SPOCK1: variants seen among roughly 807,000 people sequenced by gnomAD.
The protein encoded by SPOCK1 is testican-1.
A neutral mutation model predicts 55.3 loss-of-function variants in SPOCK1; 23 were observed. The ratio of observed to expected loss-of-function variants is 0.42; its 90% CI spans 0.30 to 0.59. The LOEUF (loss-of-function observed/expected upper bound fraction) is 0.59. Ranked by LOEUF, SPOCK1 falls within the 20% of genes least tolerant of loss-of-function variation. The pLI, the probability that SPOCK1 is intolerant of heterozygous loss-of-function variation, is 0.22. For missense variants in SPOCK1, 499 were observed against 552.5 expected (o/e 0.90, Z 0.97); for synonymous variants, 226 against 221.0 (o/e 1.02, Z -0.20).
intron 4 of SPOCK1, among the ~76,000 whole-genome samples, chr5:137,126,418 GCAAAGGC>G (rs2127041177): frequency 6.6e-6 from 1 of 152,278 alleles, no homozygotes; most frequent in African/African-American, 2.4e-5. Flanking sequence ...TATTAAGATA[GCAAAGGC>G]CATTCTGATG....
intron 6 of SPOCK1, among the ~76,000 whole-genome samples, chr5:137,045,019 A>C (rs1752084153): frequency 1.5e-5 from 2 of 132,624 alleles, no homozygotes; most frequent in African/African-American, 5.8e-5. Flanking sequence ...TATATGTGCC[A>C]CATTTTCTTA....
At chr5:137,050,338 T>C (rs1752179185) in intron 6 of SPOCK1, among the ~76,000 whole-genome samples, 1 of 137,506 alleles carries the variant, frequency 7.3e-6, no homozygotes, top group African/African-American at 2.7e-5. Context: ...GGATATAGTC[T>C]CGTGGTGCGC....
intron 3 of SPOCK1, among the ~76,000 whole-genome samples, chr5:137,248,305 T>G (rs533702377): frequency 6.6e-6 from 1 of 152,318 alleles, no homozygotes; most frequent in Admixed American, 6.5e-5. Flanking sequence ...TTCTATTTTA[T>G]GTGTATGTAT....
At chr5:137,407,696 A>G (rs957310313) in intron 2 of SPOCK1, among the ~76,000 whole-genome samples, 1 of 152,180 alleles carries the variant, frequency 6.6e-6, no homozygotes, top group Non-Finnish European at 1.5e-5. Flanking sequence ...CCAGGCTCAC[A>G]TAAAGAATCT....
At chr5:137,384,576 A>ATATATATG (rs747142799) in intron 2 of SPOCK1, among the ~76,000 whole-genome samples, 10 of 140,240 alleles carry the variant, frequency 7.1e-5, no homozygotes, top group African/African-American at 1.7e-4. Flanking sequence ...ATATATATAT[A>ATATATATG]TATGTATGTA....
At chr5:137,418,381 C>A (rs1358280767) in intron 2 of SPOCK1, among the ~76,000 whole-genome samples, 1 of 152,338 alleles carries the variant, frequency 6.6e-6, no homozygotes, top group East Asian at 1.9e-4. Flanking sequence ...AATCGCCACA[C>A]TGACTTCCAT....
chr5:137,493,010 G>C (rs1446071546), intron 2 of SPOCK1, among the ~76,000 whole-genome samples: 1 of 152,212 alleles, frequency 6.6e-6, no homozygotes, highest in East Asian at 1.9e-4. Flanking sequence ...AATGAAACAT[G>C]ATGGACAAAT....
intron 2 of SPOCK1, among the ~76,000 whole-genome samples, chr5:137,358,623 G>A (rs1750874950): frequency 6.6e-6 from 1 of 152,052 alleles, no homozygotes; most frequent in South Asian, 2.1e-4. Flanking sequence ...CCAGACAGCC[G>A]TATCTTTCCA....
chr5:137,258,443 T>C (rs1243343456), intron 3 of SPOCK1, among the ~76,000 whole-genome samples: 2 of 152,240 alleles, frequency 1.3e-5, no homozygotes, highest in African/African-American at 2.4e-5. Context: ...AGGTGATGCC[T>C]GCAGGTTTTT....
At chr5:137,392,932 G>A (rs544174224) in intron 2 of SPOCK1, among the ~76,000 whole-genome samples, 9 of 152,122 alleles carry the variant, frequency 5.9e-5, no homozygotes, top group Admixed American at 5.9e-4. Flanking sequence ...CAGCATTACT[G>A]ACAAGATAAA....
At chr5:137,344,945 G>C (rs998191943) in intron 2 of SPOCK1, among the ~76,000 whole-genome samples, 4 of 152,132 alleles carry the variant, frequency 2.6e-5, no homozygotes, top group Admixed American at 1.3e-4. Flanking sequence ...TGTTAGCTTG[G>C]GTAACAAAAG....
intron 2 of SPOCK1, among the ~76,000 whole-genome samples, chr5:137,404,158 G>A (rs565513668): frequency 1.3e-5 from 2 of 152,088 alleles, no homozygotes; most frequent in Non-Finnish European, 2.9e-5. Context: ...GCGCATATGT[G>A]GCCAAACTGA....
chr5:137,384,926 G>A (rs1302698748), intron 2 of SPOCK1, among the ~76,000 whole-genome samples: 1 of 152,002 alleles, frequency 6.6e-6, no homozygotes, highest in Admixed American at 6.5e-5. Context: ...CAGGTACTGG[G>A]GATTATGACT....
intron 2 of SPOCK1, among the ~76,000 whole-genome samples, chr5:137,353,839 C>T (rs1750733133): frequency 6.6e-6 from 1 of 152,120 alleles, no homozygotes; most frequent in Non-Finnish European, 1.5e-5. Context: ...CCCTGGCAGA[C>T]CCATCCACTT....
intron 2 of SPOCK1, among the ~76,000 whole-genome samples, chr5:137,277,013 A>T (rs1309436589): frequency 3.3e-5 from 5 of 152,106 alleles, no homozygotes; most frequent in African/African-American, 9.7e-5. Context: ...TAATAATAGC[A>T]GCTACCACAT....
intron 2 of SPOCK1, among the ~76,000 whole-genome samples, chr5:137,316,279 CTCTGAAT>C (rs1757879943): frequency 1.3e-5 from 2 of 152,222 alleles, no homozygotes; most frequent in South Asian, 4.1e-4. Flanking sequence ...AAGGACCCAC[CTCTGAAT>C]GCTATCAAAT....
chr5:137,342,918 T>C (rs1239010990), intron 2 of SPOCK1, among the ~76,000 whole-genome samples: 1 of 152,224 alleles, frequency 6.6e-6, no homozygotes, highest in African/African-American at 2.4e-5. Context: ...CCTTTCCCAG[T>C]GAAATCTGAT....
intron 3 of SPOCK1, among the ~76,000 whole-genome samples, chr5:137,184,641 T>A (rs1286600571): frequency 6.6e-6 from 1 of 152,086 alleles, no homozygotes; most frequent in African/African-American, 2.4e-5. Context: ...GCAGAGAATA[T>A]TGGGGCAGCC....
chr5:137,217,206 C>T (rs1206204508), intron 3 of SPOCK1, among the ~76,000 whole-genome samples: 1 of 152,208 alleles, frequency 6.6e-6, no homozygotes, highest in Non-Finnish European at 1.5e-5. Context: ...TAAACATGCT[C>T]CCAGTGACAA....
Sources: allele counts gnomAD v4.1 joint callset (sites outside exome capture counted in the v4.1 genomes callset), GRCh38; gene constraint gnomAD v4.1.1; transcripts MANE v1.5; gene names NCBI Gene and HGNC (gene_info 2026-07-23, HGNC 2026-07-21).